CMPK2: variants seen among roughly 807,000 people sequenced by gnomAD.
The protein encoded by CMPK2 is UMP-CMP kinase 2, mitochondrial.
CMPK2 carries 32 observed loss-of-function variants against 33.4 expected under a neutral mutation model. The ratio of observed to expected loss-of-function variants is 0.96; its 90% confidence interval spans 0.72 to 1.29. The LOEUF is 1.29. CMPK2 is among the 50% of genes most tolerant of loss of function. The pLI is 0.00. For missense variants in CMPK2, 672 were observed against 616.0 expected (o/e 1.09, Z -0.96); for synonymous variants, 299 against 275.3 (o/e 1.09, Z -0.85).
intron 3 of CMPK2, among the ~76,000 whole-genome samples, chr2:6,860,955 T>C (rs112379834): frequency 0.017 from 2,559 of 152,320 alleles, 76 homozygotes; most frequent in African/African-American, 0.058. Flanking sequence ...TTCCAGATAC[T>C]AGTATTATAT....
At chr2:6,859,378 A>C (rs1299760723) in intron 3 of CMPK2, among the ~76,000 whole-genome samples, 1 of 152,202 alleles carries the variant, frequency 6.6e-6, no homozygotes, top group Non-Finnish European at 1.5e-5. Flanking sequence ...GACAATGGGG[A>C]AAATGTCTCG....
At chr2:6,851,414 C>A in intron 4 of CMPK2, 36 bp downstream of exon 4, 1 of 1,613,364 alleles carries the variant, frequency 6.2e-7, no homozygotes, top group Non-Finnish European at 8.5e-7. Flanking sequence ...TTCAGGAATG[C>A]CTGCCGCTCA....
intron 3 of CMPK2, among the ~76,000 whole-genome samples, chr2:6,842,778 T>C (rs577401655): frequency 1.1e-4 from 17 of 152,240 alleles, no homozygotes; most frequent in African/African-American, 4.1e-4. Context: ...GTATCCACAA[T>C]CTGCAAAAAA....
downstream of CMPK2, among the ~76,000 whole-genome samples, chr2:6,846,222 C>T (rs1030347498): frequency 1.3e-5 from 2 of 152,092 alleles, no homozygotes; most frequent in African/African-American, 4.8e-5. Context: ...AAGCCCAGAC[C>T]GTAAGAAAAT....
chr2:6,858,643 T>C (rs1662785486), intron 3 of CMPK2, among the ~76,000 whole-genome samples: 1 of 152,238 alleles, frequency 6.6e-6, no homozygotes, highest in Non-Finnish European at 1.5e-5. Context: ...ACAAGCTCTC[T>C]ACTCTTGTCT....
intron 3 of CMPK2, chr2:6,840,826 A>G (rs1213228318): frequency 9.9e-6 from 6 of 603,504 alleles, no homozygotes. Context: ...TGTTTAACCA[A>G]TTCAGAAGTT....
In CMPK2 at chr2:6,848,795, CT is replaced by C. The variant is rs1373416645; in HGVS notation, c.*1054del. 3 of 985,688 alleles carry C rather than the reference CT, an allele frequency of 3.0e-6. No individual in the cohort carries two copies. The highest frequency in any genetic ancestry group is 9.4e-5 in the South Asian group (2 of 21,288). 61.1% of individuals were successfully genotyped at this position (985,688 alleles called of 1,614,324 possible). A position where few individuals can be genotyped will look rare whatever the true frequency, so the allele number is the denominator to read the frequency against. On this transcript the variant is annotated 3_prime_UTR_variant, in exon 5 of 5. Transcript: ENST00000256722. ...CTATAATTTCCCCCTCACTCAGCTA[CT>C]TTTTTCTGTCTAAAGATATGTCAAA... is the stretch of plus-strand genomic sequence containing the variant.
chr2:6,861,625 C>T (rs1662884897), intron 2 of CMPK2, among the ~76,000 whole-genome samples: 1 of 152,182 alleles, frequency 6.6e-6, no homozygotes, highest in Non-Finnish European at 1.5e-5. Flanking sequence ...GACACAAGAG[C>T]CCCTTTTACG....
intron 3 of CMPK2, among the ~76,000 whole-genome samples, chr2:6,855,499 C>T (rs907552607): frequency 3.9e-5 from 6 of 152,056 alleles, no homozygotes; most frequent in Non-Finnish European, 5.9e-5. Flanking sequence ...GTATCAGGTA[C>T]GTCTTTATAG....
At chr2:6,865,908 G>A, upstream of CMPK2, 1 of 1,414,510 alleles carries the variant, frequency 7.1e-7, no homozygotes, top group Non-Finnish European at 9.2e-7. Context: ...CGCGAGATGT[G>A]CGCGATAAAC....
chr2:6,860,821 C>T (rs1451324946), intron 3 of CMPK2, among the ~76,000 whole-genome samples: 1 of 152,168 alleles, frequency 6.6e-6, no homozygotes. Flanking sequence ...AAAGTATAGA[C>T]TCATTAATGT....
intron 3 of CMPK2, among the ~76,000 whole-genome samples, chr2:6,852,329 C>T (rs1397407439): frequency 1.3e-5 from 2 of 152,188 alleles, no homozygotes; most frequent in African/African-American, 4.8e-5. Flanking sequence ...AAGTTATTAC[C>T]ATACACAAAA....
chr2:6,865,982 G>C, upstream of CMPK2: 1 of 898,238 alleles, frequency 1.1e-6, no homozygotes, highest in Non-Finnish European at 1.5e-6. Context: ...GCGGGCCTGC[G>C]CGGTCCCCAG....
chr2:6,844,124 C>T (rs750659430), downstream of CMPK2, among the ~76,000 whole-genome samples: 4 of 152,118 alleles, frequency 2.6e-5, no homozygotes, highest in Non-Finnish European at 5.9e-5. Flanking sequence ...TTAAGTGCCC[C>T]AGTTTGCCAC....
rs762322672 is a variant in CMPK2 at position 6,865,094 on chromosome 2, G to C, written c.603C>G (p.His201Gln). ...QVVPVPEPPL[H>Q]PVVPDLPSSV... ...AACTGGGCAAGTCTGGCACCACCGGGTGCAGCGGGGGCTCCGGGACGGGCA... is the reference window on the plus strand; with the variant it reads ...AACTGGGCAAGTCTGGCACCACCGGCTGCAGCGGGGGCTCCGGGACGGGCA... Residue 201 changes from histidine (H) to glutamine (Q), a missense_variant, in exon 1 of 5, where the codon CAC (histidine) becomes CAG (glutamine). Transcript: ENST00000256722. 2.0e-6 allele frequency: 3 copies of C among 1,496,558 alleles called. No homozygotes were observed. Among genetic ancestry groups the C allele is most frequent in the South Asian group, 1.3e-5 (1 of 76,734 alleles). The allele number at this position is 1,496,558 out of a possible 1,614,324, so 92.7% of individuals were successfully genotyped here.
In CMPK2 at chr2:6,862,210, G is replaced by A. The variant is rs1662902175; in HGVS notation, c.791-825C>T. ...GTTGTCAGGACGGACCCTAACAGTA[G>A]CTACCATTTCTCAGTGTCTGCTAGG... is the stretch of plus-strand genomic sequence containing the variant. On this transcript the variant is annotated intron_variant, in intron 2 of 4. Transcript: ENST00000256722. The A allele has an allele frequency of 2.0e-5, 3 of 152,176 alleles. No homozygotes were observed. The South Asian group carries it at 6.2e-4, about 32-fold the overall frequency. The allele number at this position is 152,176 out of a possible 1,614,324, so 9.4% of individuals were successfully genotyped here.
At chr2:6,847,345 G>GA (rs1662387696), downstream of CMPK2, among the ~76,000 whole-genome samples, 2 of 152,176 alleles carry the variant, frequency 1.3e-5, no homozygotes, top group South Asian at 2.1e-4. Context: ...CACAAAAGGA[G>GA]AAAAAAACTT....
intron 1 of CMPK2, 141 bp downstream of exon 1, chr2:6,864,881 C>T: frequency 8.2e-7 from 1 of 1,224,662 alleles, no homozygotes; most frequent in Non-Finnish European, 1.1e-6. Context: ...ATACAGGACA[C>T]CTTCCCTACC....
At chr2:6,865,973 C>T (rs1328192612), upstream of CMPK2, 20 of 967,270 alleles carry the variant, frequency 2.1e-5, no homozygotes, top group South Asian at 5.6e-5. Context: ...CGCGGCTCCG[C>T]GGGCCTGCGC....
Sources: gnomAD v4.1 joint callset for allele counts (sites outside exome capture counted in the v4.1 genomes callset) on GRCh38, gnomAD v4.1.1 for gene constraint, MANE v1.5 for transcripts, NCBI Gene and HGNC (gene_info 2026-07-23, HGNC 2026-07-21) for gene names.